PPM1D: variants seen among roughly 807,000 people sequenced by gnomAD.
PPM1D encodes protein phosphatase 1D.
Under a neutral mutation model 58.3 loss-of-function variants are expected in PPM1D, and 52 were observed. The observed-to-expected ratio is 0.89, with a 90% CI of 0.71 to 1.12. The LOEUF (loss-of-function observed/expected upper bound fraction) is 1.12. Ranked by LOEUF, PPM1D falls within the 50% of genes most tolerant of loss-of-function variation. The probability of loss-of-function intolerance (pLI) is 0.00; values close to 1 mark genes in which losing one functional copy is unlikely to be tolerated. For synonymous variants in PPM1D, 278 were observed against 285.1 expected (o/e 0.98, Z 0.25); for missense variants, 564 against 777.2 (o/e 0.73, Z 3.26).
chr17:60,656,731 A>C lies in PPM1D; in HGVS notation c.1150A>C (p.Asn384His). 6.2e-7 allele frequency: 1 copy of C among 1,614,178 alleles called. No homozygotes were observed. The highest frequency in any genetic ancestry group is 8.5e-7 in the Non-Finnish European group (1 of 1,180,034). Residue 384 changes from asparagine to histidine, a missense_variant, in exon 5 of 6, where the codon AAC (asparagine) becomes CAC (histidine). This residue lies in a region of PPM1D where 261 missense variants were observed against 270.1 expected (regional missense o/e 0.97). Coordinates refer to ENST00000305921, the MANE Select transcript of PPM1D (RefSeq NM_003620.4). ...CISPEVDNQGNFTNEDELYLN... is the reference protein window; with the variant it reads ...CISPEVDNQGHFTNEDELYLN... Reference sequence around the variant, plus strand: ...CTCTCCAGAAGTGGACAATCAGGGAAACTTTACCAATGAAGATGAGTTATA... The same window carrying C: ...CTCTCCAGAAGTGGACAATCAGGGACACTTTACCAATGAAGATGAGTTATA...
chr17:60,637,784 TAAAAA>T (rs529049408), intron 3 of PPM1D, among the ~76,000 whole-genome samples: 1 of 151,464 alleles, frequency 6.6e-6, no homozygotes, highest in Admixed American at 6.6e-5. Flanking sequence ...GGATTAAAAT[TAAAAA>T]AAAATCTAAA....
intron 3 of PPM1D, among the ~76,000 whole-genome samples, chr17:60,642,639 A>G (rs926498441): frequency 3.3e-5 from 5 of 152,026 alleles, no homozygotes; most frequent in Admixed American, 1.3e-4. Context: ...TTGTATTTCT[A>G]GTAGAGACTG....
intron 1 of PPM1D, among the ~76,000 whole-genome samples, chr17:60,609,021 A>T (rs183035731): frequency 6.6e-6 from 1 of 152,110 alleles, no homozygotes; most frequent in Admixed American, 6.5e-5. Context: ...TGCTGGGATT[A>T]CAGGCGTGAG....
intron 1 of PPM1D, among the ~76,000 whole-genome samples, chr17:60,601,396 C>A (rs1372356786): frequency 6.6e-6 from 1 of 152,162 alleles, no homozygotes; most frequent in East Asian, 1.9e-4. Context: ...AAAGCGTAAG[C>A]TAATTTAGAA....
chr17:60,615,285 A>C (rs2030559276), intron 1 of PPM1D, among the ~76,000 whole-genome samples: 1 of 151,988 alleles, frequency 6.6e-6, no homozygotes, highest in Admixed American at 6.6e-5. Context: ...TAGCCAGCCC[A>C]GGCAAACCCA....
In PPM1D at chr17:60,600,411, G is replaced by A. The variant is rs774511547; in HGVS notation, c.-4G>A. The A allele has an allele frequency of 6.5e-7, 1 of 1,543,838 alleles. No homozygotes were observed. Among genetic ancestry groups the A allele is most frequent in the Non-Finnish European group, 8.7e-7 (1 of 1,145,528 alleles). ...GGGACCGGCGGGATCCCGGCCAGCC[G>A]GCCATGGCGGGGCTGTACTCGCTGG... On this transcript the variant is annotated 5_prime_UTR_variant, in exon 1 of 6. Coordinates refer to ENST00000305921, the MANE Select transcript of PPM1D (RefSeq NM_003620.4).
chr17:60,602,245 A>C (rs183684410), intron 1 of PPM1D, among the ~76,000 whole-genome samples: 1 of 152,208 alleles, frequency 6.6e-6, no homozygotes, highest in East Asian at 1.9e-4. Flanking sequence ...GAAATATGTG[A>C]TATCATTGAC....
chr17:60,627,865 G>A (rs1230077203), intron 2 of PPM1D, among the ~76,000 whole-genome samples: 1 of 151,808 alleles, frequency 6.6e-6, no homozygotes, highest in Non-Finnish European at 1.5e-5. Flanking sequence ...GTCAGTCAAT[G>A]AAGACATTAG....
At chr17:60,613,363 G>A (rs1298218506) in intron 1 of PPM1D, among the ~76,000 whole-genome samples, 1 of 152,244 alleles carries the variant, frequency 6.6e-6, no homozygotes, top group Non-Finnish European at 1.5e-5. Flanking sequence ...TTGGAATTCT[G>A]TAAGAACTCT....
At chr17:60,643,055 G>GAAAA (rs61233619) in intron 3 of PPM1D, among the ~76,000 whole-genome samples, 15 of 73,682 alleles carry the variant, frequency 2.0e-4, no homozygotes, top group Admixed American at 6.4e-4. Context: ...CGTCTCAAAA[G>GAAAA]AAAAAAAAAA....
At chr17:60,651,100 A>G (rs1438441605) in intron 4 of PPM1D, among the ~76,000 whole-genome samples, 1 of 152,220 alleles carries the variant, frequency 6.6e-6, no homozygotes, top group Non-Finnish European at 1.5e-5. Context: ...TCAAGTCAGC[A>G]GAATTCTAGT....
intron 4 of PPM1D, among the ~76,000 whole-genome samples, chr17:60,655,298 A>C (rs1040857773): frequency 1.3e-5 from 2 of 151,956 alleles, no homozygotes; most frequent in Non-Finnish European, 2.9e-5. Context: ...ACCATGCCTG[A>C]TTGTCTTGTT....
chr17:60,656,554 GC>G, intron 4 of PPM1D, 44 bp from the exon 5 acceptor site: 3 of 1,597,812 alleles, frequency 1.9e-6, no homozygotes, highest in Non-Finnish European at 2.6e-6. Context: ...TGTAGTGGCA[GC>G]TAAATCTGAG....
At chr17:60,613,576 C>T (rs2030505860) in intron 1 of PPM1D, among the ~76,000 whole-genome samples, 1 of 152,250 alleles carries the variant, frequency 6.6e-6, no homozygotes, top group South Asian at 2.1e-4. Context: ...CTGGCCGAGG[C>T]CGGAGCCGGC....
Position 60,631,533 on chromosome 17 carries a change from G to A in PPM1D, c.702-2320G>A, listed in dbSNP as rs1180774603. Among the ~76,000 whole-genome samples, 4 of 151,556 alleles carry A rather than the reference G, an allele frequency of 2.6e-5. No homozygotes were observed. In the East Asian group the frequency reaches 7.8e-4, roughly 29 times the overall value. On this transcript the variant is annotated intron_variant, in intron 2 of 5. Coordinates refer to ENST00000305921, the MANE Select transcript of PPM1D (RefSeq NM_003620.4). ...GGGTGCCTGTAATCCTAGCTACTCA[G>A]GAGGCTGAGGCTGCAGTGAGTTAAG...
In PPM1D at chr17:60,632,788, T is replaced by G. The variant is rs544998253; in HGVS notation, c.702-1065T>G. ...TTCGAGACCAGCCTGGCCAACATGGTGAAACCCTGTCTCTACTAAAAATAC... is the reference window on the plus strand; with the variant it reads ...TTCGAGACCAGCCTGGCCAACATGGGGAAACCCTGTCTCTACTAAAAATAC... On this transcript the variant is annotated intron_variant, in intron 2 of 5. Transcript: ENST00000305921. Among the ~76,000 whole-genome samples, 5 of 152,136 alleles carry G rather than the reference T, an allele frequency of 3.3e-5. No homozygotes were observed. In the East Asian group the frequency reaches 9.7e-4, roughly 29 times the overall value.
chr17:60,657,867 G>A (rs2031467353), intron 5 of PPM1D, among the ~76,000 whole-genome samples: 1 of 151,992 alleles, frequency 6.6e-6, no homozygotes, highest in African/African-American at 2.4e-5. Flanking sequence ...AGCCTCCCAA[G>A]TAGCTGGGAT....
At chr17:60,637,220 A>G (rs892010907) in intron 3 of PPM1D, among the ~76,000 whole-genome samples, 34 of 151,988 alleles carry the variant, frequency 2.2e-4, no homozygotes, top group African/African-American at 8.2e-4. Flanking sequence ...CTCATTACTC[A>G]TGAATTTTTC....
chr17:60,626,697 ATGT>A (rs2030817618), intron 2 of PPM1D, among the ~76,000 whole-genome samples: 1 of 151,612 alleles, frequency 6.6e-6, no homozygotes, highest in South Asian at 2.1e-4. Flanking sequence ...CCCGGCAATG[ATGT>A]TGTTTTAAAA....
Sources: gnomAD v4.1 joint callset for allele counts (sites outside exome capture counted in the v4.1 genomes callset) on GRCh38, gnomAD v4.1.1 for gene constraint, gnomAD v4.1.1 regional missense constraint, MANE v1.5 for transcripts, NCBI Gene and HGNC (gene_info 2026-07-23, HGNC 2026-07-21) for gene names.